The following PRKRA variants were observed in gnomAD, a reference collection of about 807,000 sequenced individuals.
PRKRA encodes interferon-inducible double-stranded RNA-dependent protein kinase activator A.
In PRKRA, 22 loss-of-function variants were observed where a neutral mutation model predicts 32.4. That is an observed-to-expected ratio of 0.68 (90% CI 0.49 to 0.97). PRKRA has a LOEUF of 0.97. PRKRA is among the 50% of genes least tolerant of loss of function. The probability of loss-of-function intolerance (pLI) is 0.00; values close to 1 mark genes in which losing one functional copy is unlikely to be tolerated. For synonymous variants in PRKRA, 139 were observed against 129.8 expected (o/e 1.07, Z -0.48); for missense variants, 319 against 375.6 (o/e 0.85, Z 1.25).
chr2:178,439,194 A>C (rs1447739139), intron 6 of PRKRA: 1 of 152,168 alleles, frequency 6.6e-6, no homozygotes, highest in East Asian at 1.9e-4. Context: ...ACTTTTTTCT[A>C]GTATATTTTC....
intron 2 of PRKRA, 200 bp downstream of exon 2, chr2:178,450,042 C>T: frequency 1.4e-6 from 1 of 724,886 alleles, no homozygotes; most frequent in South Asian, 1.7e-5. Context: ...TCTAAGCTTC[C>T]TTGGTATGTG....
intron 4 of PRKRA, among the ~76,000 whole-genome samples, 157 bp downstream of exon 4, chr2:178,444,265 A>G (rs548835515): frequency 1.3e-5 from 2 of 152,358 alleles, no homozygotes; most frequent in South Asian, 2.1e-4. Context: ...AAATAGGAAA[A>G]TAATTTCAAG....
At chr2:178,446,631 T>C (rs1054358229) in intron 3 of PRKRA, among the ~76,000 whole-genome samples, 7 of 152,138 alleles carry the variant, frequency 4.6e-5, no homozygotes, top group South Asian at 4.1e-4. Flanking sequence ...CAAGAAGAAC[T>C]TGAAAGCATG....
At chr2:178,443,776 G>T in intron 4 of PRKRA, 1 of 213,066 alleles carries the variant, frequency 4.7e-6, no homozygotes, top group Non-Finnish European at 9.5e-6. Flanking sequence ...AGCTGGCCAA[G>T]AACACATGAG....
intron 2 of PRKRA, among the ~76,000 whole-genome samples, chr2:178,448,727 AAG>A (rs1416923500): frequency 6.6e-6 from 1 of 152,218 alleles, no homozygotes; most frequent in Non-Finnish European, 1.5e-5. Flanking sequence ...CAATGGCCAG[AAG>A]AGAGAAGCCG....
Position 178,443,295 on chromosome 2 carries a change from A to G in PRKRA, c.486T>C (p.Ile162=), listed in dbSNP as rs1408845088. ...GPAHKREYTT[I]CRLESFMETG... is the part of the protein sequence containing the mutation. The stretch of plus-strand genomic sequence containing the variant: ...TTTCCATAAATGACTCTAGCCTGCA[A>G]ATTGTAGTATATTCTCTCTTATGAG... Residue 162 remains isoleucine (I), a synonymous_variant, in exon 5 of 8, where the codon ATT becomes ATC. Transcript: ENST00000325748. 1 of 1,610,538 alleles carries G rather than the reference A, an allele frequency of 6.2e-7. No individual in the cohort carries two copies. The highest frequency in any genetic ancestry group is 1.3e-5 in the African/African-American group (1 of 74,888).
At chr2:178,433,863 CTG>C (rs1396720110) in intron 7 of PRKRA, 2 of 152,154 alleles carry the variant, frequency 1.3e-5, no homozygotes, top group Admixed American at 6.5e-5. Context: ...AATTAACAGA[CTG>C]TGGTTTTTAG....
intron 6 of PRKRA, 28 bp downstream of exon 6, chr2:178,441,582 T>A: frequency 1.4e-6 from 1 of 721,972 alleles, no homozygotes; most frequent in Non-Finnish European, 2.0e-6. Context: ...TTAATGACAT[T>A]AACATCATAG....
At position 178,443,394 on chromosome 2, in the gene PRKRA, C is replaced by A. The variant is rs752442006; in HGVS notation, c.397-10G>T. The A allele has an allele frequency of 1.4e-5, 10 of 729,570 alleles. No individual in the cohort carries two copies. Among genetic ancestry groups the A allele is most frequent in the South Asian group, 1.9e-5 (1 of 53,272 alleles). The allele number at this position is 729,570 out of a possible 1,614,324, so 45.2% of individuals were successfully genotyped here. On this transcript the variant is annotated splice_polypyrimidine_tract_variant and intron_variant, in intron 4 of 7. Transcript: ENST00000325748. ...GATGAATAGCCAATTCCTATAAAAT[C>A]AAGATGAGGCTTTAATAGTAATTTT...
At chr2:178,441,727 T>C (rs186640338) in intron 5 of PRKRA, 23 bp from the exon 6 acceptor site, 3 of 740,964 alleles carry the variant, frequency 4.0e-6, no homozygotes, top group East Asian at 5.5e-5. Flanking sequence ...AAAGAAATGG[T>C]AGATTTAGAA....
chr2:178,449,696 TA>T (rs1199614598), intron 2 of PRKRA, among the ~76,000 whole-genome samples: 1 of 152,214 alleles, frequency 6.6e-6, no homozygotes, highest in Non-Finnish European at 1.5e-5. Context: ...ATATACAAAA[TA>T]TCTGTTCAGT....
chr2:178,444,987 A>C (rs1697262303), intron 3 of PRKRA, among the ~76,000 whole-genome samples: 1 of 152,240 alleles, frequency 6.6e-6, no homozygotes, highest in Non-Finnish European at 1.5e-5. Flanking sequence ...AAAACAGAAG[A>C]GTAACAATGA....
rs1336241160 is a variant in PRKRA at position 178,450,393 on chromosome 2, T to C, written c.84A>G (p.Thr28=). The part of the protein sequence containing the change: ...SGTFSLGKMI[T]AKPGKTPIQV... ...GAATCGGTGTTTTCCCTGGCTTAGC[T>C]GTTATCATCTTCCCCAAACTGCAAA... is the stretch of plus-strand genomic sequence containing the variant. Residue 28 remains threonine, a synonymous_variant, in exon 2 of 8, where the codon ACA becomes ACG. Transcript: ENST00000325748. The C allele has an allele frequency of 6.2e-7, 1 of 1,614,288 alleles. No homozygotes were observed. The highest frequency in any genetic ancestry group is 1.1e-5 in the South Asian group (1 of 91,090).
chr2:178,450,514 C>T (rs1345363116), intron 1 of PRKRA, 103 bp from the exon 2 acceptor site: 3 of 1,405,484 alleles, frequency 2.1e-6, no homozygotes, highest in Non-Finnish European at 2.8e-6. Context: ...GAGGGAGGCG[C>T]CGAGTTCCCC....
At chr2:178,436,446 A>C in intron 6 of PRKRA, 127 bp from the exon 7 acceptor site, 1 of 787,856 alleles carries the variant, frequency 1.3e-6, no homozygotes, top group South Asian at 1.6e-5. Context: ...TAAATGGATA[A>C]CATTTGGTTA....
intron 1 of PRKRA, 93 bp from the exon 2 acceptor site, chr2:178,450,504 G>A (rs1305211238): frequency 1.3e-6 from 2 of 1,571,600 alleles, no homozygotes; most frequent in Non-Finnish European, 1.7e-6. Context: ...CGACGGTGAC[G>A]AGGGAGGCGC....
intron 4 of PRKRA, chr2:178,443,978 A>ATG (rs1697215345): frequency 5.7e-6 from 1 of 176,280 alleles, no homozygotes; most frequent in Admixed American, 5.5e-5. Context: ...AGCTGAATAT[A>ATG]TGTGTGTGTG....
rs180775272 is a variant in PRKRA at position 178,450,689 on chromosome 2, G to A, written c.65+277C>T. ...GAACAGGGCTGGCAGCAGCGCCGCA[G>A]CCTCTCAGGGAAAACCTGACGATCC... On this transcript the variant is annotated intron_variant, in intron 1 of 7. Coordinates refer to ENST00000325748, the MANE Select transcript of PRKRA (RefSeq NM_003690.5). The A allele has an allele frequency of 1.3e-3, 1,818 of 1,413,618 alleles. 24 individuals carry two copies. The African/African-American group carries it at 0.024, about 18-fold the overall frequency. The allele number at this position is 1,413,618 out of a possible 1,614,324, so 87.6% of individuals were successfully genotyped here.
At chr2:178,439,311 G>A (rs1697027989) in intron 6 of PRKRA, 1 of 152,214 alleles carries the variant, frequency 6.6e-6, no homozygotes, top group African/African-American at 2.4e-5. Flanking sequence ...TAGTACAGAA[G>A]TATAAAAGCA....
Sources: allele counts gnomAD v4.1 joint callset (sites outside exome capture counted in the v4.1 genomes callset), GRCh38; gene constraint gnomAD v4.1.1; transcripts MANE v1.5; gene names NCBI Gene and HGNC (gene_info 2026-07-23, HGNC 2026-07-21).